C19orf38: variants seen among roughly 807,000 people sequenced by gnomAD.
The protein encoded by C19orf38 is protein HIDE1.
In C19orf38, 14 loss-of-function variants were observed where a neutral mutation model predicts 26.6. The observed-to-expected ratio is 0.53, with a 90% CI of 0.35 to 0.82. The LOEUF is 0.82. C19orf38 is among the 40% of genes least tolerant of loss of function. The pLI is 0.01. For synonymous variants in C19orf38, 132 were observed against 128.5 expected, an observed-to-expected ratio of 1.03 and a Z score of -0.18; for missense variants, 261 against 299.5, an observed-to-expected ratio of 0.87 and a Z score of 0.95.
At chr19:10,852,098 G>A (rs1345503258) in intron 2 of C19orf38, among the ~76,000 whole-genome samples, 1 of 151,916 alleles carries the variant, frequency 6.6e-6, no homozygotes, top group Non-Finnish European at 1.5e-5. Context: ...GTTACAGTGA[G>A]CCAAGACAGT....
intron 2 of C19orf38, among the ~76,000 whole-genome samples, chr19:10,851,343 C>T (rs980408486): frequency 1.6e-5 from 2 of 127,208 alleles, no homozygotes; most frequent in African/African-American, 7.1e-5. Flanking sequence ...TGAGCCACTG[C>T]ACCTGGCTTT....
At chr19:10,860,443 G>C in intron 5 of C19orf38, among the ~76,000 whole-genome samples, 1 of 145,936 alleles carries the variant, frequency 6.9e-6, no homozygotes, top group Non-Finnish European at 1.5e-5. Context: ...CTGAGGCAAG[G>C]AGAATCATGT....
intron 6 of C19orf38, among the ~76,000 whole-genome samples, chr19:10,866,683 A>G (rs937456019): frequency 4.7e-5 from 7 of 148,712 alleles, no homozygotes; most frequent in African/African-American, 1.7e-4. Flanking sequence ...GAGTTTCGCA[A>G]TTATCGTCCA....
At chr19:10,857,358 A>ATT (rs1395725984) in intron 3 of C19orf38, among the ~76,000 whole-genome samples, 76 of 82,426 alleles carry the variant, frequency 9.2e-4, no homozygotes, top group African/African-American at 6.9e-3. Flanking sequence ...ATATATATAT[A>ATT]TATATATATT....
chr19:10,855,685 C>A (rs553704577), intron 2 of C19orf38, among the ~76,000 whole-genome samples: 2 of 152,126 alleles, frequency 1.3e-5, no homozygotes, highest in African/African-American at 2.4e-5. Flanking sequence ...CGTGCCAGCA[C>A]GCCTGGCTAA....
At chr19:10,843,633 C>T (rs892487126), upstream of C19orf38, among the ~76,000 whole-genome samples, 1 of 152,196 alleles carries the variant, frequency 6.6e-6, no homozygotes, top group African/African-American at 2.4e-5. Flanking sequence ...CCAGGAATCT[C>T]TCTTAACTCC....
At chr19:10,853,658 C>T (rs1047942704) in intron 2 of C19orf38, among the ~76,000 whole-genome samples, 30 of 146,352 alleles carry the variant, frequency 2.0e-4, no homozygotes, top group Non-Finnish European at 3.0e-4. Flanking sequence ...GGCACGATCT[C>T]GGCTCACTGC....
intron 6 of C19orf38, among the ~76,000 whole-genome samples, chr19:10,867,474 C>T (rs1316332179): frequency 3.3e-5 from 5 of 149,548 alleles, no homozygotes; most frequent in Non-Finnish European, 4.5e-5. Flanking sequence ...AAAAATTAGC[C>T]GGGCATGGTG....
chr19:10,862,926 GAC>G (rs896388378), intron 5 of C19orf38, among the ~76,000 whole-genome samples: 20 of 150,870 alleles, frequency 1.3e-4, no homozygotes, highest in Non-Finnish European at 2.6e-4. Flanking sequence ...CCTGAGATAA[GAC>G]ACCCATTTTC....
intron 6 of C19orf38, among the ~76,000 whole-genome samples, chr19:10,865,968 A>G (rs1302538163): frequency 6.6e-6 from 1 of 151,702 alleles, no homozygotes; most frequent in East Asian, 1.9e-4. Flanking sequence ...TTCCACCACC[A>G]TGCCCAGCTA....
At chr19:10,839,755 G>A (rs1265173577) in intron 1 of C19orf38, among the ~76,000 whole-genome samples, 3 of 139,972 alleles carry the variant, frequency 2.1e-5, no homozygotes, top group Non-Finnish European at 4.6e-5. Context: ...TTTTGAGACA[G>A]TCTCGCTGTG....
chr19:10,842,716 A>C (rs1488494356), intron 1 of C19orf38, among the ~76,000 whole-genome samples: 1 of 152,092 alleles, frequency 6.6e-6, no homozygotes, highest in Non-Finnish European at 1.5e-5. Context: ...CAACCTGTGC[A>C]ACAGAGAGAG....
chr19:10,856,704 AT>A (rs2073629484), intron 3 of C19orf38, among the ~76,000 whole-genome samples: 1 of 151,748 alleles, frequency 6.6e-6, no homozygotes, highest in South Asian at 2.1e-4. Flanking sequence ...TGGTTTTGCC[AT>A]GTTGCCCAAG....
chr19:10,857,360 A>ATTTTTTTT (rs1256020212), intron 3 of C19orf38, among the ~76,000 whole-genome samples: 1 of 82,086 alleles, frequency 1.2e-5, no homozygotes, highest in African/African-American at 9.8e-5. Flanking sequence ...ATATATATAT[A>ATTTTTTTT]TATATATTTT....
rs900601654 is a variant in C19orf38 at position 10,860,534 on chromosome 19, C to CAAA, written c.505+599_505+601dup. ...TGGGCAACAGAGCCAGACTCCATCT[C>CAAA]AAAAAAAAAAAAAAAAAAAAAAAAA... On this transcript the variant is annotated intron_variant, in intron 5 of 6. Transcript: ENST00000397820. 5.6e-3 allele frequency among the ~76,000 whole-genome samples: 121 copies of CAAA among 21,794 alleles called. 2 individuals carry two copies. Among genetic ancestry groups the CAAA allele is most frequent in the Non-Finnish European group, 6.4e-3 (85 of 13,384 alleles). The allele number at this position is 21,794 out of a possible 152,430, so 14.3% of individuals were successfully genotyped here.
At chr19:10,859,266 GTGTGTGTGTGTGTA>G (rs2073664594) in intron 4 of C19orf38, among the ~76,000 whole-genome samples, 4 of 138,590 alleles carry the variant, frequency 2.9e-5, no homozygotes, top group Admixed American at 7.3e-5. Context: ...GTGTGTGTGT[GTGTGTGTGTGTGTA>G]TGTGTGTGTG....
intron 1 of C19orf38, among the ~76,000 whole-genome samples, chr19:10,839,172 T>C (rs561791362): frequency 6.6e-6 from 1 of 152,308 alleles, no homozygotes; most frequent in South Asian, 2.1e-4. Flanking sequence ...CCCAAAGTGC[T>C]GGGATTACTG....
chr19:10,859,782 G>A (rs2073677615), intron 4 of C19orf38, 133 bp from the exon 5 acceptor site: 1 of 724,408 alleles, frequency 1.4e-6, no homozygotes, highest in Non-Finnish European at 2.4e-6. Flanking sequence ...CTGTGGGGAA[G>A]ACCCATGGGT....
At chr19:10,862,379 AT>A (rs1309503348) in intron 5 of C19orf38, among the ~76,000 whole-genome samples, 5 of 150,616 alleles carry the variant, frequency 3.3e-5, no homozygotes, top group Admixed American at 1.3e-4. Flanking sequence ...TACTTTTTAA[AT>A]TTTTTTTTCT....
Sources: allele counts gnomAD v4.1 joint callset (sites outside exome capture counted in the v4.1 genomes callset), GRCh38; gene constraint gnomAD v4.1.1; transcripts MANE v1.5; gene names NCBI Gene and HGNC (gene_info 2026-07-23, HGNC 2026-07-21).